EYS: variants seen among roughly 807,000 people sequenced by gnomAD.
EYS encodes EGF-like photoreceptor maintenance factor, also known as protein eyes shut homolog.
EYS carries 250 observed loss-of-function variants against 282.1 expected under a neutral mutation model. The observed-to-expected ratio is 0.89, with a 90% CI of 0.80 to 0.98. The LOEUF is 0.98. Among genes scored for constraint, EYS ranks in the 50% least tolerant of loss-of-function variants. The probability of loss-of-function intolerance (pLI) is 0.00; values close to 1 mark genes in which losing one functional copy is unlikely to be tolerated. For synonymous variants in EYS, 1,355 were observed against 1,282.9 expected, an observed-to-expected ratio of 1.06 and a Z score of -1.20; for missense variants, 4,016 against 3,709.0, an observed-to-expected ratio of 1.08 and a Z score of -2.15.
intron 2 of EYS, among the ~76,000 whole-genome samples, chr6:65,602,218 T>G (rs1013794220): frequency 3.3e-5 from 5 of 151,870 alleles, no homozygotes; most frequent in African/African-American, 9.7e-5. Flanking sequence ...TTCAACAAGA[T>G]GTACACAAAA....
chr6:63,785,774 C>A (rs1002500725), intron 39 of EYS, among the ~76,000 whole-genome samples: 1 of 151,940 alleles, frequency 6.6e-6, no homozygotes, highest in South Asian at 2.1e-4. Flanking sequence ...TTTGGGAGGC[C>A]GAGGCAGGCG....
At chr6:64,615,533 T>C (rs1186835758) in intron 24 of EYS, among the ~76,000 whole-genome samples, 1 of 152,154 alleles carries the variant, frequency 6.6e-6, no homozygotes, top group Non-Finnish European at 1.5e-5. Flanking sequence ...TTGCGTGTTA[T>C]TTTCAAAAGT....
chr6:63,987,663 C>G (rs911492971), intron 34 of EYS, among the ~76,000 whole-genome samples: 1 of 151,548 alleles, frequency 6.6e-6, no homozygotes, highest in African/African-American at 2.4e-5. Context: ...TCCCAATTCC[C>G]AAAACACACA....
chr6:64,152,355 A>T (rs1417746832), intron 31 of EYS, among the ~76,000 whole-genome samples: 1 of 152,214 alleles, frequency 6.6e-6, no homozygotes, highest in Non-Finnish European at 1.5e-5. Flanking sequence ...TGAATAGCAA[A>T]GAGAGACTCA....
At chr6:65,598,699 T>G (rs1284108893) in intron 2 of EYS, among the ~76,000 whole-genome samples, 1 of 152,140 alleles carries the variant, frequency 6.6e-6, no homozygotes, top group Non-Finnish European at 1.5e-5. Context: ...ACTACAGGCT[T>G]TCCAGTACAT....
intron 35 of EYS, among the ~76,000 whole-genome samples, chr6:63,937,450 G>A: frequency 7.7e-6 from 1 of 129,430 alleles, no homozygotes; most frequent in Non-Finnish European, 1.6e-5. Context: ...GCTCGATCTC[G>A]GCTCACTACA....
chr6:64,211,843 C>T (rs989702761), intron 31 of EYS, among the ~76,000 whole-genome samples: 7 of 151,680 alleles, frequency 4.6e-5, no homozygotes, highest in Middle Eastern at 3.4e-3. Context: ...TGGCCAGGTA[C>T]GGTGGCTCAC....
chr6:63,845,085 C>A (rs1471389306), intron 36 of EYS, among the ~76,000 whole-genome samples: 1 of 152,044 alleles, frequency 6.6e-6, no homozygotes, highest in Non-Finnish European at 1.5e-5. Flanking sequence ...TTTGGGTGGC[C>A]ATGAACTGTA....
At chr6:64,925,775 G>A (rs1220359990) in intron 15 of EYS, among the ~76,000 whole-genome samples, 1 of 152,078 alleles carries the variant, frequency 6.6e-6, no homozygotes, top group Non-Finnish European at 1.5e-5. Context: ...AGAACATTCA[G>A]TGGTCCTTGT....
intron 33 of EYS, among the ~76,000 whole-genome samples, chr6:64,016,336 A>C (rs116717769): frequency 0.016 from 2,422 of 152,246 alleles, 47 homozygotes; most frequent in African/African-American, 0.049. Context: ...AAATGGAAAC[A>C]TTCTTCCCAT....
intron 19 of EYS, among the ~76,000 whole-genome samples, chr6:64,861,013 G>A (rs780082993): frequency 2.0e-5 from 3 of 152,114 alleles, no homozygotes; most frequent in South Asian, 2.1e-4. Context: ...TTCCTGCTCC[G>A]GTCTACAGTA....
intron 11 of EYS, chr6:65,304,978 T>TA (rs767160893): frequency 6.7e-4 from 109 of 163,718 alleles, no homozygotes; most frequent in East Asian, 3.1e-3. Context: ...GAGGACACTT[T>TA]AAAAAAAAAT....
chr6:63,889,745 T>C (rs958127176), intron 35 of EYS, among the ~76,000 whole-genome samples: 3 of 152,138 alleles, frequency 2.0e-5, no homozygotes, highest in Admixed American at 6.5e-5. Flanking sequence ...AGCATCATAG[T>C]GACAGGATCA....
chr6:63,769,766 CT>C (rs1562017927), intron 40 of EYS, among the ~76,000 whole-genome samples: 1 of 151,962 alleles, frequency 6.6e-6, no homozygotes, highest in African/African-American at 2.4e-5. Flanking sequence ...TAGCTTAGAA[CT>C]TCTATGGGTT....
intron 2 of EYS, among the ~76,000 whole-genome samples, chr6:65,526,628 A>G (rs1011081581): frequency 6.6e-6 from 1 of 151,916 alleles, no homozygotes; most frequent in African/African-American, 2.4e-5. Flanking sequence ...ACACGGTGAA[A>G]CCCCGTCTCT....
intron 35 of EYS, among the ~76,000 whole-genome samples, chr6:63,877,443 C>T (rs897495258): frequency 3.9e-5 from 6 of 151,996 alleles, no homozygotes; most frequent in Non-Finnish European, 7.4e-5. Flanking sequence ...CTGACAATTA[C>T]GTGTCTTGGA....
chr6:64,038,394 A>G (rs1024532869), intron 33 of EYS, among the ~76,000 whole-genome samples: 1 of 152,162 alleles, frequency 6.6e-6, no homozygotes, highest in African/African-American at 2.4e-5. Context: ...CCCATAATGT[A>G]TGTGTACTTC....
At chr6:64,535,726 C>T (rs944872932) in intron 26 of EYS, among the ~76,000 whole-genome samples, 59 of 151,762 alleles carry the variant, frequency 3.9e-4, no homozygotes, top group African/African-American at 1.4e-3. Flanking sequence ...GGCAACAGAG[C>T]CAGACCCTGT....
In EYS at chr6:64,628,246, G is replaced by GTT. The variant is rs11309731; in HGVS notation, c.3444-2003_3444-2002dup. 8.9e-3 allele frequency among the ~76,000 whole-genome samples: 1,269 copies of GTT among 142,162 alleles called. 21 individuals carry two copies. The highest frequency in any genetic ancestry group is 0.031 in the African/African-American group (1,204 of 38,912). The allele number at this position is 142,162 out of a possible 152,430, so 93.3% of individuals were successfully genotyped here. ...GTAGCAAAAAGAAACCCATAGCAGT[G>GTT]TTTTTTTTTTTTTTGAGAGGAATTC... is the stretch of plus-strand genomic sequence containing the variant. On this transcript the variant is annotated intron_variant, in intron 22 of 42. Transcript: ENST00000503581.
Sources: allele counts gnomAD v4.1 joint callset (sites outside exome capture counted in the v4.1 genomes callset), GRCh38; gene constraint gnomAD v4.1.1; transcripts MANE v1.5; gene names NCBI Gene and HGNC (gene_info 2026-07-23, HGNC 2026-07-21).